The following SNTG2 variants were observed in gnomAD, a reference collection of about 807,000 sequenced individuals.
The protein encoded by SNTG2 is gamma-2-syntrophin.
SNTG2 carries 74 observed loss-of-function variants against 70.9 expected under a neutral mutation model. The ratio of observed to expected loss-of-function variants is 1.04; its 90% confidence interval spans 0.86 to 1.27. The LOEUF is 1.27. Among genes scored for constraint, SNTG2 ranks in the 50% most tolerant of loss-of-function variants. The pLI is 0.00. For synonymous variants in SNTG2, 278 were observed against 273.8 expected (o/e 1.02, Z -0.15); for missense variants, 717 against 690.7 (o/e 1.04, Z -0.43).
At chr2:1,294,292 T>A (rs2148225876) in intron 14 of SNTG2, among the ~76,000 whole-genome samples, 1 of 152,184 alleles carries the variant, frequency 6.6e-6, no homozygotes, top group Admixed American at 6.5e-5. Context: ...TCAGGTCCCA[T>A]TAGGGACAGA....
At chr2:1,363,551 C>T (rs528449160) in intron 16 of SNTG2, among the ~76,000 whole-genome samples, 91 of 152,284 alleles carry the variant, frequency 6.0e-4, no homozygotes, top group Non-Finnish European at 1.0e-3. Context: ...CTTTCCTCTG[C>T]AGGTGGAAAC....
chr2:1,088,805 A>G (rs1664838576), intron 2 of SNTG2, among the ~76,000 whole-genome samples: 1 of 152,228 alleles, frequency 6.6e-6, no homozygotes, highest in Middle Eastern at 3.4e-3. Flanking sequence ...CACTAACTAC[A>G]CTTCTGTAAG....
chr2:1,279,193 C>T (rs549818697), intron 14 of SNTG2, among the ~76,000 whole-genome samples: 7 of 152,234 alleles, frequency 4.6e-5, no homozygotes, highest in East Asian at 3.9e-4. Context: ...CACTTAGCAA[C>T]GGTCTCTTTG....
chr2:1,158,357 A>G (rs887368911), intron 6 of SNTG2: 3 of 152,212 alleles, frequency 2.0e-5, no homozygotes, highest in African/African-American at 7.2e-5. Context: ...GAAGTGGTTC[A>G]AGGAAAGAGG....
intron 16 of SNTG2, among the ~76,000 whole-genome samples, chr2:1,361,900 T>A (rs1661181124): frequency 1.0e-5 from 1 of 95,324 alleles, no homozygotes; most frequent in Non-Finnish European, 2.3e-5. Context: ...TCAGTAGAAC[T>A]TCCATGAAGG....
intron 12 of SNTG2, among the ~76,000 whole-genome samples, chr2:1,253,647 A>C (rs1677886913): frequency 6.6e-6 from 1 of 152,214 alleles, no homozygotes; most frequent in African/African-American, 2.4e-5. Context: ...TTGAAGGAGA[A>C]TAGAGAAAAG....
intron 2 of SNTG2, among the ~76,000 whole-genome samples, chr2:1,091,981 T>C (rs1432652351): frequency 6.6e-6 from 1 of 152,110 alleles, no homozygotes; most frequent in African/African-American, 2.4e-5. Context: ...TGGAGAGAGA[T>C]TCAATGCCCC....
intron 4 of SNTG2, among the ~76,000 whole-genome samples, chr2:1,104,438 TTCTC>T (rs1665985900): frequency 6.6e-6 from 1 of 152,208 alleles, no homozygotes; most frequent in African/African-American, 2.4e-5. Context: ...ATTTGATTAA[TTCTC>T]TCAAGATAAT....
chr2:1,150,629 A>T (rs1316652544), intron 6 of SNTG2, among the ~76,000 whole-genome samples: 1 of 152,184 alleles, frequency 6.6e-6, no homozygotes, highest in Non-Finnish European at 1.5e-5. Context: ...AATTCAGTTG[A>T]CAAAAGTAAA....
In SNTG2 at chr2:1,238,009, C is replaced by T. The variant is rs1326176787; in HGVS notation, c.841C>T (p.Leu281Phe). ...AVSANIRELT[L>F]QNMKMANKCC... is the part of the protein sequence containing the mutation. ...CTCAGCCAACATCAGGGAGCTGACA[C>T]TTCAGAACGTGAGCACACGGTGTTT... Residue 281 changes from leucine (L) to phenylalanine (F), a missense_variant, in exon 10 of 17, where the codon CTT (leucine) becomes TTT (phenylalanine). By Grantham distance (22) the Leu-to-Phe change is conservative. Transcript: ENST00000308624. The T allele has an allele frequency of 1.2e-6, 2 of 1,609,758 alleles. No individual in the cohort carries two copies. Among genetic ancestry groups the T allele is most frequent in the East Asian group, 2.2e-5 (1 of 44,830 alleles).
At chr2:1,143,759 G>C (rs1034314909) in intron 6 of SNTG2, among the ~76,000 whole-genome samples, 2 of 98,532 alleles carry the variant, frequency 2.0e-5, no homozygotes, top group African/African-American at 4.3e-5. Context: ...TGTAATCCCA[G>C]CTACTTGGGA....
chr2:979,318 G>C (rs553797982), intron 1 of SNTG2, among the ~76,000 whole-genome samples: 1 of 152,206 alleles, frequency 6.6e-6, no homozygotes, highest in African/African-American at 2.4e-5. Flanking sequence ...GTGCTCTGCC[G>C]TGCTGGTGCA....
At chr2:1,127,779 A>G (rs78361042) in intron 4 of SNTG2, among the ~76,000 whole-genome samples, 6,201 of 152,116 alleles carry the variant, frequency 0.041, 236 homozygotes, top group South Asian at 0.18. Flanking sequence ...CGTACTTAGA[A>G]CACTATTGAT....
intron 16 of SNTG2, among the ~76,000 whole-genome samples, chr2:1,318,556 G>T (rs1007770470): frequency 1.4e-4 from 21 of 152,242 alleles, no homozygotes; most frequent in Admixed American, 7.2e-4. Context: ...CGTGCTGACC[G>T]CAGTGCCTGA....
chr2:1,332,797 G>A (rs1000714343), intron 16 of SNTG2, among the ~76,000 whole-genome samples: 1 of 152,028 alleles, frequency 6.6e-6, no homozygotes, highest in Non-Finnish European at 1.5e-5. Flanking sequence ...GCATAGAAAG[G>A]ACATGACTTT....
At chr2:1,323,318 T>A (rs1192561962) in intron 16 of SNTG2, among the ~76,000 whole-genome samples, 1 of 152,208 alleles carries the variant, frequency 6.6e-6, no homozygotes, top group Admixed American at 6.5e-5. Flanking sequence ...TGACCACAGC[T>A]GTTTCATCAT....
intron 14 of SNTG2, among the ~76,000 whole-genome samples, chr2:1,307,592 T>C (rs1017565969): frequency 6.6e-6 from 1 of 152,122 alleles, no homozygotes; most frequent in Non-Finnish European, 1.5e-5. Context: ...CAGCTGTATT[T>C]CTCCAGCTCA....
intron 8 of SNTG2, among the ~76,000 whole-genome samples, chr2:1,175,455 A>G (rs1305343702): frequency 1.3e-5 from 2 of 152,152 alleles, no homozygotes; most frequent in African/African-American, 4.8e-5. Context: ...CTCTTGATCC[A>G]GTTCTACAAA....
intron 12 of SNTG2, among the ~76,000 whole-genome samples, chr2:1,258,939 T>A (rs1323522321): frequency 6.6e-6 from 1 of 152,216 alleles, no homozygotes; most frequent in Non-Finnish European, 1.5e-5. Flanking sequence ...CACAATATTT[T>A]CTGTCCATTT....
Sources: allele counts gnomAD v4.1 joint callset (sites outside exome capture counted in the v4.1 genomes callset), GRCh38; gene constraint gnomAD v4.1.1; transcripts MANE v1.5; gene names NCBI Gene and HGNC (gene_info 2026-07-23, HGNC 2026-07-21).